Variants in ZNRF2 observed in about 807,000 individuals in gnomAD.
ZNRF2 encodes the protein E3 ubiquitin-protein ligase ZNRF2.
In ZNRF2, 16 loss-of-function variants were observed where a neutral mutation model predicts 20.4. The observed-to-expected ratio is 0.79, with a 90% CI of 0.53 to 1.19. The LOEUF (loss-of-function observed/expected upper bound fraction) is 1.19, where lower values mean the gene tolerates loss of function less well. ZNRF2 is among the 50% of genes most tolerant of loss of function. ZNRF2 has a pLI of 0.00. For missense variants in ZNRF2, 363 were observed against 332.4 expected (o/e 1.09, Z -0.72); for synonymous variants, 178 against 144.9 (o/e 1.23, Z -1.64).
chr7:30,355,953 T>G, intron 3 of ZNRF2, 120 bp downstream of exon 3: 2 of 613,300 alleles, frequency 3.3e-6, no homozygotes, highest in Non-Finnish European at 5.6e-6. Flanking sequence ...ACACACTTCT[T>G]AAAACTTAAT....
chr7:30,285,401 C>G lies in ZNRF2; in HGVS notation c.44C>G (p.Thr15Arg). ...GGCCCGGCCGCCGCTAACGGCCGCA[C>G]GCGCGCGTACTCGGGCTCGGATCTA... ...QSGPAAANGR[T>R]RAYSGSDLPS... The change falls in exon 1 of 5, where the codon ACG (threonine) becomes AGG (arginine). Residue 15 changes from threonine to arginine, a missense_variant. Transcript: ENST00000323037. 7.9e-7 allele frequency: 1 copy of G among 1,260,716 alleles called. No individual in the cohort carries two copies. The highest frequency in any genetic ancestry group is 1.5e-5 in the South Asian group (1 of 65,812). The allele number at this position is 1,260,716 out of a possible 1,614,324, so 78.1% of individuals were successfully genotyped here. A position where few individuals can be genotyped will look rare whatever the true frequency, so the allele number is the denominator to read the frequency against.
chr7:30,346,167 C>A (rs1583592496), intron 2 of ZNRF2, among the ~76,000 whole-genome samples: 1 of 39,180 alleles, frequency 2.6e-5, no homozygotes, highest in African/African-American at 7.7e-5. Context: ...TCTGTTAAGT[C>A]TGATTTTTTT....
chr7:30,301,699 T>TAA (rs769025634), intron 1 of ZNRF2, among the ~76,000 whole-genome samples: 183 of 126,302 alleles, frequency 1.4e-3, no homozygotes, highest in Middle Eastern at 8.1e-3. Flanking sequence ...GAGGCTTTTT[T>TAA]TAAAAAAAAA....
chr7:30,303,580 A>G (rs1312608117), intron 1 of ZNRF2, among the ~76,000 whole-genome samples: 2 of 152,214 alleles, frequency 1.3e-5, no homozygotes, highest in East Asian at 3.8e-4. Flanking sequence ...AAGCTCATAG[A>G]CTATGATAAA....
chr7:30,338,507 T>C (rs1387968154), intron 2 of ZNRF2, among the ~76,000 whole-genome samples: 5 of 143,968 alleles, frequency 3.5e-5, no homozygotes, highest in East Asian at 2.3e-4. Context: ...CTCCCACTTA[T>C]GAGTGAGAAC....
chr7:30,338,993 G>A (rs1000069194), intron 2 of ZNRF2, among the ~76,000 whole-genome samples: 3 of 152,110 alleles, frequency 2.0e-5, no homozygotes, highest in Admixed American at 1.3e-4. Flanking sequence ...ATTTCACTGT[G>A]GTTTTGATTT....
At chr7:30,311,173 G>C (rs1799286709) in intron 1 of ZNRF2, among the ~76,000 whole-genome samples, 1 of 152,032 alleles carries the variant, frequency 6.6e-6, no homozygotes, top group Non-Finnish European at 1.5e-5. Context: ...CTTGTTTTTG[G>C]CCTCTTGAAC....
chr7:30,326,720 C>T (rs1036073897), intron 2 of ZNRF2, among the ~76,000 whole-genome samples: 1 of 152,154 alleles, frequency 6.6e-6, no homozygotes, highest in African/African-American at 2.4e-5. Flanking sequence ...ATACTGTCTT[C>T]CACAATGGTT....
rs1798761842 is a variant in ZNRF2, at chr7:30,285,547, G to A, written c.190G>A (p.Gly64Ser). The A allele has an allele frequency of 1.2e-5, 12 of 976,932 alleles. No homozygotes were observed. Among genetic ancestry groups the A allele is most frequent in the Non-Finnish European group, 1.5e-5 (12 of 826,862 alleles). The allele number at this position is 976,932 out of a possible 1,614,324, so 60.5% of individuals were successfully genotyped here. Reference protein sequence around the residue: ...PSAHQPSASGGAAAAAAAPAA... With the variant: ...PSAHQPSASGSAAAAAAAPAA... ...CGCGCACCAGCCCAGCGCCTCCGGC[G>A]GCGCCGCGGCGGCCGCGGCGGCCCC... The change falls in exon 1 of 5, where the codon GGC becomes AGC. Residue 64 changes from glycine (G) to serine (S), a missense_variant. By Grantham distance (56) the Gly-to-Ser change is moderately conservative (BLOSUM62 0). Transcript: ENST00000323037.
At chr7:30,355,410 A>G (rs1342489050) in intron 2 of ZNRF2, among the ~76,000 whole-genome samples, 3 of 152,196 alleles carry the variant, frequency 2.0e-5, no homozygotes, top group Non-Finnish European at 2.9e-5. Context: ...AAATAAATTC[A>G]TGGTACAAAT....
At chr7:30,345,425 G>A (rs1272026692) in intron 2 of ZNRF2, among the ~76,000 whole-genome samples, 3 of 151,638 alleles carry the variant, frequency 2.0e-5, no homozygotes, top group African/African-American at 7.3e-5. Flanking sequence ...AGTATTCATG[G>A]TAAATATGTT....
At chr7:30,304,997 C>G (rs1799177223) in intron 1 of ZNRF2, among the ~76,000 whole-genome samples, 1 of 152,082 alleles carries the variant, frequency 6.6e-6, no homozygotes, top group Admixed American at 6.6e-5. Context: ...AGGAAATACT[C>G]AAAACTTATG....
At chr7:30,315,247 T>C (rs1339455037) in intron 1 of ZNRF2, among the ~76,000 whole-genome samples, 1 of 152,190 alleles carries the variant, frequency 6.6e-6, no homozygotes, top group African/African-American at 2.4e-5. Context: ...TATTTTGGTA[T>C]TTGTTTGTTT....
At chr7:30,333,346 G>A (rs1799667268) in intron 2 of ZNRF2, among the ~76,000 whole-genome samples, 1 of 146,466 alleles carries the variant, frequency 6.8e-6, no homozygotes, top group Non-Finnish European at 1.5e-5. Flanking sequence ...GAGCCACTGC[G>A]CCTGGCCATA....
chr7:30,287,780 T>C (rs546023607), intron 1 of ZNRF2, among the ~76,000 whole-genome samples: 1 of 151,698 alleles, frequency 6.6e-6, no homozygotes, highest in South Asian at 2.1e-4. Flanking sequence ...TGTGCCGTAG[T>C]GTGCAATGAA....
chr7:30,330,226 C>G (rs779310044), intron 2 of ZNRF2, among the ~76,000 whole-genome samples: 1 of 152,062 alleles, frequency 6.6e-6, no homozygotes, highest in Non-Finnish European at 1.5e-5. Context: ...AGAAGAGGTA[C>G]AACTTGAAAT....
intron 1 of ZNRF2, among the ~76,000 whole-genome samples, chr7:30,302,635 G>A (rs921749433): frequency 1.3e-5 from 2 of 151,642 alleles, no homozygotes; most frequent in East Asian, 1.9e-4. Flanking sequence ...TGGTTATCTC[G>A]GACTAGTAGA....
intron 2 of ZNRF2, among the ~76,000 whole-genome samples, chr7:30,349,020 T>A (rs1246290090): frequency 6.6e-6 from 1 of 152,226 alleles, no homozygotes; most frequent in Non-Finnish European, 1.5e-5. Flanking sequence ...ATAGTTCTGA[T>A]GTAACATTTG....
intron 1 of ZNRF2, among the ~76,000 whole-genome samples, chr7:30,322,263 C>A (rs1490574363): frequency 1.3e-5 from 2 of 152,062 alleles, no homozygotes; most frequent in African/African-American, 2.4e-5. Flanking sequence ...AATTGAATAC[C>A]TGGAGGATTA....
Sources: allele counts gnomAD v4.1 joint callset (sites outside exome capture counted in the v4.1 genomes callset), GRCh38; gene constraint gnomAD v4.1.1; transcripts MANE v1.5; gene names NCBI Gene and HGNC (gene_info 2026-07-23, HGNC 2026-07-21).